PTER: variants seen among roughly 807,000 people sequenced by gnomAD.
The protein encoded by PTER is N-acetyltaurine hydrolase.
PTER carries 38 observed loss-of-function variants against 29.6 expected under a neutral mutation model. The observed-to-expected ratio is 1.28, with a 90% CI of 0.99 to 1.68. PTER has a LOEUF of 1.68. Among genes scored for constraint, PTER ranks in the 40% most tolerant of loss-of-function variants. The pLI, the probability that PTER is intolerant of heterozygous loss-of-function variation, is 0.00. For synonymous variants in PTER, 172 were observed against 154.5 expected, an observed-to-expected ratio of 1.11 and a Z score of -0.84; for missense variants, 482 against 427.8, an observed-to-expected ratio of 1.13 and a Z score of -1.12.
rs760331414 is a variant in PTER at position 16,484,710 on chromosome 10, C to T, written c.326C>T (p.Thr109Met). The T allele has an allele frequency of 9.3e-6, 15 of 1,614,078 alleles. No individual in the cohort carries two copies. Among genetic ancestry groups the T allele is most frequent in the South Asian group, 3.3e-5 (3 of 91,080 alleles). The change falls in exon 2 of 5, where the codon ACG (threonine) becomes ATG (methionine). Residue 109 changes from threonine to methionine, a missense_variant. By Grantham distance (81) the Thr-to-Met change is moderately conservative (BLOSUM62 -1). Transcript: ENST00000535784. ...TTTGISRDTQ[T>M]LKRLAEETGV... is the part of the protein sequence containing the mutation. ...ACTGGGATTAGCCGAGACACACAGA[C>T]GTTGAAGAGGCTTGCAGAAGAGACT...
chr10:16,445,656 C>T (rs1022301838), intron 1 of PTER, among the ~76,000 whole-genome samples: 1 of 152,148 alleles, frequency 6.6e-6, no homozygotes, highest in Non-Finnish European at 1.5e-5. Flanking sequence ...GGCACAAATC[C>T]GGTGAACACA....
At chr10:16,470,257 A>G (rs2133413971) in intron 1 of PTER, among the ~76,000 whole-genome samples, 1 of 152,318 alleles carries the variant, frequency 6.6e-6, no homozygotes, top group Middle Eastern at 3.4e-3. Flanking sequence ...AAAGTGCTTT[A>G]AGCAACACAT....
chr10:16,491,549 C>T (rs1835898578), intron 3 of PTER, among the ~76,000 whole-genome samples: 1 of 152,150 alleles, frequency 6.6e-6, no homozygotes, highest in Non-Finnish European at 1.5e-5. Flanking sequence ...CAACGAAATG[C>T]ACAGAAGCCT....
intron 1 of PTER, among the ~76,000 whole-genome samples, chr10:16,483,688 A>G (rs1835568891): frequency 6.6e-6 from 1 of 152,142 alleles, no homozygotes; most frequent in African/African-American, 2.4e-5. Context: ...TCTCCTAAAA[A>G]TGCAAAAATT....
intron 1 of PTER, among the ~76,000 whole-genome samples, chr10:16,463,410 CT>C (rs1309288931): frequency 6.6e-6 from 1 of 151,638 alleles, no homozygotes; most frequent in Non-Finnish European, 1.5e-5. Context: ...TGCATATTTT[CT>C]TTTTTTTGTT....
chr10:16,509,185 T>TATA (rs1348255953), intron 4 of PTER, among the ~76,000 whole-genome samples: 1 of 152,214 alleles, frequency 6.6e-6, no homozygotes, highest in Admixed American at 6.5e-5. Flanking sequence ...TGTTCTTCCA[T>TATA]ATAATGGCAC....
rs45609446 is a variant in PTER, at chr10:16,483,987, A to G, written c.-48-350A>G. On this transcript the variant is annotated intron_variant, in intron 1 of 4. Transcript: ENST00000535784. ...TTCTGAATACTTTTTTTTAATTACA[A>G]TTACTGTTGATTTATCCAAGAATGC... 7.2e-3 allele frequency among the ~76,000 whole-genome samples: 1,096 copies of G among 152,292 alleles called. 3 individuals are homozygous for G. The highest frequency in any genetic ancestry group is 0.012 in the Non-Finnish European group (801 of 68,032).
chr10:16,493,426 A>ATT (rs76503649), intron 3 of PTER, among the ~76,000 whole-genome samples: 1 of 150,956 alleles, frequency 6.6e-6, no homozygotes, highest in African/African-American at 2.5e-5. Context: ...CTTAAAAACA[A>ATT]TTTTTTTTTT....
At chr10:16,476,089 T>G (rs2133428408) in intron 1 of PTER, 2 of 152,296 alleles carry the variant, frequency 1.3e-5, no homozygotes, top group South Asian at 4.1e-4. Flanking sequence ...TTATATATTA[T>G]TATTATTATT....
At position 16,511,306 on chromosome 10, in the gene PTER, T is replaced by C. The variant is rs1341713430; in HGVS notation, c.*50T>C. ...TTGAGTATAAAACTTGCAGAGAACA[T>C]TCAGCGATTTCCAGTCCACTGTGAG... On this transcript the variant is annotated 3_prime_UTR_variant, in exon 5 of 5. Coordinates refer to ENST00000535784, the MANE Select transcript of PTER (RefSeq NM_001261836.2). 6.7e-7 allele frequency: 1 copy of C among 1,490,952 alleles called. No homozygotes were observed. Among genetic ancestry groups the C allele is most frequent in the African/African-American group, 1.4e-5 (1 of 72,350 alleles). 92.4% of individuals were successfully genotyped at this position (1,490,952 alleles called of 1,614,324 possible).
intron 1 of PTER, among the ~76,000 whole-genome samples, chr10:16,437,734 G>A (rs868769166): frequency 1.3e-5 from 2 of 152,144 alleles, no homozygotes; most frequent in Non-Finnish European, 2.9e-5. Context: ...TAGTGATAAC[G>A]ACAAAGCTAA....
At chr10:16,438,070 A>G (rs764599223) in intron 1 of PTER, among the ~76,000 whole-genome samples, 18 of 152,116 alleles carry the variant, frequency 1.2e-4, no homozygotes, top group Non-Finnish European at 2.6e-4. Context: ...CAGTGGTGCG[A>G]TCTCGGCTCA....
chr10:16,454,056 A>G (rs1020504731), intron 1 of PTER, among the ~76,000 whole-genome samples: 1 of 152,168 alleles, frequency 6.6e-6, no homozygotes, highest in Non-Finnish European at 1.5e-5. Flanking sequence ...TCTTGGGGAA[A>G]TAGTGATATG....
intron 1 of PTER, among the ~76,000 whole-genome samples, chr10:16,470,136 G>A (rs765604550): frequency 1.3e-5 from 2 of 152,120 alleles, no homozygotes; most frequent in Non-Finnish European, 2.9e-5. Flanking sequence ...ACTTAGGTTG[G>A]AATTGCAGCC....
intron 1 of PTER, among the ~76,000 whole-genome samples, chr10:16,470,594 C>G (rs559026681): frequency 6.6e-6 from 1 of 152,054 alleles, no homozygotes; most frequent in African/African-American, 2.4e-5. Flanking sequence ...AGAGTGAAAC[C>G]CCATGTCTAC....
At chr10:16,465,932 A>G (rs1425898907) in intron 1 of PTER, among the ~76,000 whole-genome samples, 4 of 152,140 alleles carry the variant, frequency 2.6e-5, no homozygotes, top group African/African-American at 7.2e-5. Context: ...CCCACTAACT[A>G]TCATGAGAAC....
At chr10:16,470,878 T>C (rs1302021488) in intron 1 of PTER, among the ~76,000 whole-genome samples, 1 of 152,222 alleles carries the variant, frequency 6.6e-6, no homozygotes, top group African/African-American at 2.4e-5. Flanking sequence ...CTTGATTCTT[T>C]TTTTTTTAAC....
At chr10:16,490,658 T>G (rs1835866650) in intron 3 of PTER, among the ~76,000 whole-genome samples, 1 of 151,224 alleles carries the variant, frequency 6.6e-6, no homozygotes, top group Non-Finnish European at 1.5e-5. Context: ...TATAATGTAG[T>G]ATTTTACATG....
rs1836820859 is a variant in PTER, at chr10:16,511,822, A to G, written c.*566A>G. ...AAAAATATTTTGAAAGGTTAATTTT[A>G]TACTGTCCACCTATCTATATATTCT... On this transcript the variant is annotated 3_prime_UTR_variant, in exon 5 of 5. Coordinates refer to ENST00000535784, the MANE Select transcript of PTER (RefSeq NM_001261836.2). The G allele has an allele frequency of 6.4e-6, 1 of 155,760 alleles. No individual in the cohort carries two copies. Among genetic ancestry groups the G allele is most frequent in the Non-Finnish European group, 1.4e-5 (1 of 69,842 alleles). The allele number at this position is 155,760 out of a possible 1,614,324, so 9.6% of individuals were successfully genotyped here.
Sources: allele counts gnomAD v4.1 joint callset (sites outside exome capture counted in the v4.1 genomes callset), GRCh38; gene constraint gnomAD v4.1.1; transcripts MANE v1.5; gene names NCBI Gene and HGNC (gene_info 2026-07-23, HGNC 2026-07-21).